Variants in COL9A1 observed in about 807,000 individuals in gnomAD.
COL9A1 encodes collagen alpha-1(IX) chain.
Under a neutral mutation model 142.6 loss-of-function variants are expected in COL9A1, and 104 were observed. The observed-to-expected ratio is 0.73, with a 90% confidence interval of 0.62 to 0.86. The LOEUF (loss-of-function observed/expected upper bound fraction) is 0.86, where lower values mean the gene tolerates loss of function less well. COL9A1 is among the 40% of genes least tolerant of loss of function. The pLI, the probability that COL9A1 is intolerant of heterozygous loss-of-function variation, is 0.00. For missense variants in COL9A1, 1,210 were observed against 1,176.6 expected (o/e 1.03, Z -0.42); for synonymous variants, 466 against 396.0 (o/e 1.18, Z -2.10).
At chr6:70,290,674 T>C (rs1453972437) in intron 5 of COL9A1, among the ~76,000 whole-genome samples, 1 of 152,128 alleles carries the variant, frequency 6.6e-6, no homozygotes, top group Non-Finnish European at 1.5e-5. Context: ...GGTTTCCAAT[T>C]GCATTTCTTA....
intron 2 of COL9A1, among the ~76,000 whole-genome samples, chr6:70,300,988 A>T (rs1562334806): frequency 6.6e-6 from 1 of 152,150 alleles, no homozygotes; most frequent in Non-Finnish European, 1.5e-5. Flanking sequence ...GATGGATTTG[A>T]TTTCATAAAT....
chr6:70,215,791 T>TA (rs941968838), downstream of COL9A1: 16 of 152,030 alleles, frequency 1.1e-4, no homozygotes, highest in African/African-American at 3.4e-4. Flanking sequence ...AGGCTAGACT[T>TA]AAAAAAGTCC....
intron 36 of COL9A1, among the ~76,000 whole-genome samples, chr6:70,227,664 G>C (rs1454885140): frequency 6.6e-6 from 1 of 152,026 alleles, no homozygotes; most frequent in South Asian, 2.1e-4. Context: ...AGTGTATGCT[G>C]CTTTTTAATA....
At chr6:70,300,468 T>C (rs529319521) in intron 2 of COL9A1, 82 bp from the exon 3 acceptor site, 1 of 548,154 alleles carries the variant, frequency 1.8e-6, no homozygotes, top group Admixed American at 4.3e-5. Context: ...AAAATAATAA[T>C]AATAATAATA....
At chr6:70,242,829 G>T (rs886688043) in intron 28 of COL9A1, 114 bp from the exon 29 acceptor site, 6 of 923,314 alleles carry the variant, frequency 6.5e-6, no homozygotes, top group Non-Finnish European at 7.1e-6. Flanking sequence ...TAAAGGCATA[G>T]GCCATCCTAC....
intron 6 of COL9A1, chr6:70,283,217 T>C: frequency 1.4e-6 from 2 of 1,460,212 alleles, no homozygotes; most frequent in Non-Finnish European, 1.8e-6. Flanking sequence ...GCGTTCCCCC[T>C]GTTTATGAAT....
intron 12 of COL9A1, 99 bp downstream of exon 12, chr6:70,273,948 T>TAAAC (rs1378378709): frequency 5.3e-6 from 3 of 566,564 alleles, no homozygotes; most frequent in Non-Finnish European, 7.7e-6. Context: ...TAATAATAAA[T>TAAAC]AAATAAATAA....
chr6:70,261,087 A>T lies in COL9A1; in HGVS notation c.1396-377T>A, dbSNP rs189993055. On this transcript the variant is annotated intron_variant, in intron 19 of 37. Coordinates refer to ENST00000357250, the MANE Select transcript of COL9A1 (RefSeq NM_001851.6). Reference sequence around the variant, plus strand: ...ATGTAACCTGGTTACATGTAACATGATTTTAAACCTTGAAATAATTTTTTT... The same window carrying T: ...ATGTAACCTGGTTACATGTAACATGTTTTTAAACCTTGAAATAATTTTTTT... The T allele has an allele frequency of 1.7e-3, 333 of 192,962 alleles. 1 individual carries two copies. Among genetic ancestry groups the T allele is most frequent in the African/African-American group, 7.6e-3 (322 of 42,182 alleles). The allele number at this position is 192,962 out of a possible 1,614,324, so 12.0% of individuals were successfully genotyped here.
chr6:70,298,801 A>T (rs1370685322), intron 4 of COL9A1, among the ~76,000 whole-genome samples: 1 of 152,228 alleles, frequency 6.6e-6, no homozygotes. Flanking sequence ...TGGCACTTCC[A>T]TACATGAAAA....
At chr6:70,221,245 T>C (rs1768865619) in intron 37 of COL9A1, among the ~76,000 whole-genome samples, 1 of 152,116 alleles carries the variant, frequency 6.6e-6, no homozygotes, top group African/African-American at 2.4e-5. Flanking sequence ...AAAGGGACTG[T>C]GTATACAGTC....
chr6:70,264,667 A>G (rs994133429), intron 18 of COL9A1, among the ~76,000 whole-genome samples: 21 of 152,062 alleles, frequency 1.4e-4, no homozygotes, highest in African/African-American at 2.9e-4. Flanking sequence ...TTGGAGTAAT[A>G]TATTTGAATT....
At chr6:70,240,608 TGTGTTAGAA>T in intron 32 of COL9A1, 72 bp downstream of exon 32, 1 of 826,340 alleles carries the variant, frequency 1.2e-6, no homozygotes, top group Non-Finnish European at 1.9e-6. Flanking sequence ...AATTTTGAAC[TGTGTTAGAA>T]GTATATATAT....
intron 2 of COL9A1, among the ~76,000 whole-genome samples, chr6:70,300,840 A>C (rs926827225): frequency 1.3e-5 from 2 of 152,208 alleles, no homozygotes; most frequent in African/African-American, 4.8e-5. Flanking sequence ...CACAAATTTT[A>C]GGATTCCAGT....
rs137893548 is a variant in COL9A1 at position 70,266,580 on chromosome 6, G to T, written c.1341+137C>A. 436 of 779,212 alleles carry T rather than the reference G, an allele frequency of 5.6e-4. 9 individuals carry two copies. In the East Asian group the frequency reaches 9.3e-3, roughly 17 times the overall value. 48.3% of individuals were successfully genotyped at this position (779,212 alleles called of 1,614,324 possible). On this transcript the variant is annotated intron_variant, in intron 18 of 37. Transcript: ENST00000357250. ...AGTCAAATATTGATGCATCTGCTTA[G>T]AACTTATCAATCATTATTTAAAAAA...
At chr6:70,261,155 G>A (rs1321647115) in intron 19 of COL9A1, 1 of 169,018 alleles carries the variant, frequency 5.9e-6, no homozygotes, top group Non-Finnish European at 1.3e-5. Context: ...TCCCAGGCTA[G>A]CCCACGAAAG....
chr6:70,227,076 G>C (rs1445403864), intron 36 of COL9A1, among the ~76,000 whole-genome samples: 1 of 151,996 alleles, frequency 6.6e-6, no homozygotes, highest in Non-Finnish European at 1.5e-5. Context: ...GGAAAAAGTT[G>C]AACAATTCAG....
At position 70,294,516 on chromosome 6, in the gene COL9A1, G is replaced by C. The variant is rs768503089; in HGVS notation, c.347C>G (p.Thr116Arg). 6.2e-7 allele frequency: 1 copy of C among 1,613,900 alleles called. No individual in the cohort carries two copies. Among genetic ancestry groups the C allele is most frequent in the Non-Finnish European group, 8.5e-7 (1 of 1,179,936 alleles). ...GAGAGTGCTTCCAGTCATTCGAAACGTCGTCAAGAAGGAGTATTCTTCAGG... is the reference window on the plus strand; with the variant it reads ...GAGAGTGCTTCCAGTCATTCGAAACCTCGTCAAGAAGGAGTATTCTTCAGG... The part of the protein sequence containing the change: ...GLPEEYSFLT[T>R]FRMTGSTLKK... The change falls in exon 5 of 38, where the codon ACG (threonine) becomes AGG (arginine). Residue 116 changes from threonine to arginine, a missense_variant. Physicochemically the swap from Thr to Arg is moderately conservative, Grantham distance 71. Coordinates refer to ENST00000357250, the MANE Select transcript of COL9A1 (RefSeq NM_001851.6).
At chr6:70,263,036 C>A (rs892402249) in intron 19 of COL9A1, among the ~76,000 whole-genome samples, 1 of 151,964 alleles carries the variant, frequency 6.6e-6, no homozygotes. Context: ...TAGAATTTTT[C>A]TGTTAAAAAA....
At chr6:70,271,305 C>T (rs995257471) in intron 14 of COL9A1, among the ~76,000 whole-genome samples, 3 of 152,222 alleles carry the variant, frequency 2.0e-5, no homozygotes, top group Admixed American at 6.5e-5. Flanking sequence ...CATAAATACA[C>T]ATGGTAATAA....
Sources: allele counts gnomAD v4.1 joint callset (sites outside exome capture counted in the v4.1 genomes callset), GRCh38; gene constraint gnomAD v4.1.1; transcripts MANE v1.5; gene names NCBI Gene and HGNC (gene_info 2026-07-23, HGNC 2026-07-21).